The following ERC2 variants were observed in gnomAD, a reference collection of about 807,000 sequenced individuals.
ERC2 encodes the protein ELKS/RAB6-interacting/CAST family member 2, also known as ERC protein 2.
Under a neutral mutation model 114.8 loss-of-function variants are expected in ERC2, and 42 were observed. The ratio of observed to expected loss-of-function variants is 0.37; its 90% confidence interval spans 0.29 to 0.47. The LOEUF (loss-of-function observed/expected upper bound fraction) is 0.47, where lower values mean the gene tolerates loss of function less well. ERC2 is among the 20% of genes least tolerant of loss of function. The pLI is 0.99. For missense variants in ERC2, 939 were observed against 1,150.7 expected (o/e 0.82, Z 2.66); for synonymous variants, 454 against 425.5 (o/e 1.07, Z -0.82).
chr3:55,918,017 T>A lies in ERC2; in HGVS notation c.2404-29468A>T, dbSNP rs2065203816. 2.0e-5 allele frequency among the ~76,000 whole-genome samples: 3 copies of A among 152,056 alleles called. No homozygotes were observed. The South Asian group carries it at 6.2e-4, about 32-fold the overall frequency. On this transcript the variant is annotated intron_variant, in intron 13 of 17. Transcript: ENST00000288221. ...TATAAGTTTATTTCTAGCTCAAATT[T>A]TTTCTGTCTAGTGGTTTCACTATCC...
intron 6 of ERC2, among the ~76,000 whole-genome samples, chr3:56,115,964 T>G (rs919023770): frequency 2.0e-5 from 3 of 152,120 alleles, no homozygotes; most frequent in African/African-American, 7.2e-5. Context: ...CAGAGCCCAT[T>G]GAGATTATTC....
intron 13 of ERC2, among the ~76,000 whole-genome samples, chr3:55,932,801 A>G (rs1230731278): frequency 2.0e-5 from 3 of 152,252 alleles, no homozygotes; most frequent in African/African-American, 7.2e-5. Flanking sequence ...ATACTCAGCT[A>G]GAATGAGGCA....
intron 13 of ERC2, among the ~76,000 whole-genome samples, chr3:55,929,354 C>T (rs2065937012): frequency 1.3e-5 from 2 of 152,186 alleles, no homozygotes; most frequent in South Asian, 2.1e-4. Flanking sequence ...GCCAGCCACA[C>T]CCCTCACAGG....
At chr3:55,834,033 A>C (rs1188430369) in intron 14 of ERC2, among the ~76,000 whole-genome samples, 1 of 151,508 alleles carries the variant, frequency 6.6e-6, no homozygotes, top group African/African-American at 2.4e-5. Flanking sequence ...ATAATGGTAA[A>C]GGGATCAATT....
At chr3:56,002,447 T>C (rs749533214) in intron 10 of ERC2, among the ~76,000 whole-genome samples, 2 of 152,160 alleles carry the variant, frequency 1.3e-5, no homozygotes, top group South Asian at 4.1e-4. Flanking sequence ...CATATATTAA[T>C]AAATGCACAC....
chr3:55,841,183 C>T (rs568147300), intron 14 of ERC2, among the ~76,000 whole-genome samples: 8 of 152,288 alleles, frequency 5.3e-5, no homozygotes, highest in Admixed American at 3.9e-4. Context: ...CTGGCTGACA[C>T]GGTTTGGCTG....
intron 10 of ERC2, among the ~76,000 whole-genome samples, chr3:55,992,489 G>T (rs2071159277): frequency 6.6e-6 from 1 of 152,084 alleles, no homozygotes; most frequent in Admixed American, 6.5e-5. Context: ...TTGATATTTT[G>T]TTCCATTAAA....
chr3:55,899,543 T>A (rs2064021445), intron 13 of ERC2, among the ~76,000 whole-genome samples: 1 of 152,082 alleles, frequency 6.6e-6, no homozygotes, highest in South Asian at 2.1e-4. Flanking sequence ...GATTTAAAAG[T>A]GTTACAAAGA....
intron 13 of ERC2, among the ~76,000 whole-genome samples, chr3:55,922,881 A>G (rs2065510153): frequency 2.6e-5 from 4 of 152,132 alleles, no homozygotes; most frequent in Non-Finnish European, 5.9e-5. Context: ...GCTGTTGTCA[A>G]AAAGTATTGG....
chr3:56,028,281 G>C (rs749516573), intron 7 of ERC2, among the ~76,000 whole-genome samples: 31 of 151,978 alleles, frequency 2.0e-4, no homozygotes, highest in Non-Finnish European at 3.7e-4. Flanking sequence ...TAGTTATTCG[G>C]GGGGTTATGC....
At chr3:56,429,335 C>T (rs1392633548) in intron 2 of ERC2, among the ~76,000 whole-genome samples, 1 of 152,214 alleles carries the variant, frequency 6.6e-6, no homozygotes, top group African/African-American at 2.4e-5. Flanking sequence ...CCTCGCGTAA[C>T]AGTGTAGTAT....
chr3:55,545,570 G>A (rs375191040), intron 17 of ERC2, among the ~76,000 whole-genome samples: 12 of 152,246 alleles, frequency 7.9e-5, no homozygotes, highest in African/African-American at 2.6e-4. Context: ...CCTTTCAGTG[G>A]GACTCTTAGG....
At chr3:55,591,004 T>C (rs2057849504) in intron 17 of ERC2, among the ~76,000 whole-genome samples, 1 of 152,088 alleles carries the variant, frequency 6.6e-6, no homozygotes, top group African/African-American at 2.4e-5. Context: ...AATTTTTGTA[T>C]TTTTAGTAGA....
intron 15 of ERC2, among the ~76,000 whole-genome samples, chr3:55,714,578 C>T (rs891964637): frequency 6.7e-6 from 1 of 149,334 alleles, no homozygotes; most frequent in Non-Finnish European, 1.5e-5. Flanking sequence ...TGTGAAACAA[C>T]ATGTTCATAT....
chr3:56,139,719 C>T (rs1177681464), intron 5 of ERC2, 43 bp from the exon 6 acceptor site: 4 of 1,544,050 alleles, frequency 2.6e-6, no homozygotes, highest in Non-Finnish European at 1.8e-6. Flanking sequence ...GAAATTGCTG[C>T]CCCTACACTT....
intron 14 of ERC2, among the ~76,000 whole-genome samples, chr3:55,783,795 C>A (rs1193941988): frequency 6.6e-6 from 1 of 152,082 alleles, no homozygotes; most frequent in African/African-American, 2.4e-5. Context: ...AACACCCATC[C>A]CCAAGGCAAG....
At chr3:55,667,808 A>G (rs9848352) in intron 17 of ERC2, among the ~76,000 whole-genome samples, 99,050 of 152,170 alleles carry the variant, frequency 0.65, 32,314 homozygotes, top group Admixed American at 0.69. Context: ...TCCAAGTTGC[A>G]GAACTAGTGA....
chr3:55,588,949 C>A (rs1298990759), intron 17 of ERC2, among the ~76,000 whole-genome samples: 1 of 151,972 alleles, frequency 6.6e-6, no homozygotes, highest in Non-Finnish European at 1.5e-5. Context: ...TTGGGGGTAA[C>A]CATATTCCAA....
chr3:55,910,467 T>C (rs2064737087), intron 13 of ERC2, among the ~76,000 whole-genome samples: 1 of 152,100 alleles, frequency 6.6e-6, no homozygotes, highest in Non-Finnish European at 1.5e-5. Flanking sequence ...AATGTGTGTA[T>C]ATATGTATAT....
Sources: allele counts gnomAD v4.1 joint callset (sites outside exome capture counted in the v4.1 genomes callset), GRCh38; gene constraint gnomAD v4.1.1; transcripts MANE v1.5; gene names NCBI Gene and HGNC (gene_info 2026-07-23, HGNC 2026-07-21).